The following HEATR1 variants were observed in gnomAD, a reference collection of about 807,000 sequenced individuals.
HEATR1 encodes the protein HEAT repeat-containing protein 1.
Under a neutral mutation model 248.2 loss-of-function variants are expected in HEATR1, and 77 were observed. The ratio of observed to expected loss-of-function variants is 0.31; its 90% CI spans 0.26 to 0.37. HEATR1 has a LOEUF of 0.37. Ranked by LOEUF, HEATR1 falls within the 10% of genes least tolerant of loss-of-function variation. The pLI is 1.00. For missense variants in HEATR1, 2,420 were observed against 2,504.9 expected (o/e 0.97, Z 0.72); for synonymous variants, 897 against 923.1 (o/e 0.97, Z 0.51).
Position 236,597,900 on chromosome 1 carries a change from C to T in HEATR1, c.581G>A (p.Ser194Asn). The change falls in exon 5 of 45, where the codon AGT (serine) becomes AAT (asparagine). Residue 194 changes from serine (S) to asparagine (N), a missense_variant. Transcript: ENST00000366582. ...KDLGFMDFIC[S>N]LVTKSVKVFA... ...CACCTTCACAGATTTTGTCACCAAA[C>T]TGCAAATGAAATCCATGAATCCAAG... 1.9e-6 allele frequency: 3 copies of T among 1,613,334 alleles called. No individual in the cohort carries two copies. Among genetic ancestry groups the T allele is most frequent in the South Asian group, 1.1e-5 (1 of 90,986 alleles).
In HEATR1 at chr1:236,576,918, G is replaced by A. The variant is rs764711496; in HGVS notation, c.2787C>T (p.Ser929=). 4 of 1,609,868 alleles carry A rather than the reference G, an allele frequency of 2.5e-6. No individual in the cohort carries two copies. The South Asian group carries it at 3.3e-5, about 13-fold the overall frequency. The part of the protein sequence containing the change: ...VVTSLLINLG[S]PVKEVRRAAI... ...CAGCCCTACGAACTTCTTTTACGGG[G>A]CTTCCCAGGTTAATGAGTAAAGATG... Residue 929 remains serine, a synonymous_variant, in exon 21 of 45, where the codon AGC becomes AGT. Coordinates refer to ENST00000366582, the MANE Select transcript of HEATR1 (RefSeq NM_018072.6).
At chr1:236,592,842 G>A (rs1244009698) in intron 9 of HEATR1, among the ~76,000 whole-genome samples, 2 of 152,156 alleles carry the variant, frequency 1.3e-5, no homozygotes, top group Non-Finnish European at 2.9e-5. Flanking sequence ...TTCGGAGGCC[G>A]GGGCAGGAGA....
intron 9 of HEATR1, 115 bp downstream of exon 9, chr1:236,593,897 C>T: frequency 1.5e-6 from 1 of 673,942 alleles, no homozygotes; most frequent in Non-Finnish European, 2.5e-6. Flanking sequence ...TGAAATGATA[C>T]AGACAAAACA....
intron 32 of HEATR1, 27 bp downstream of exon 32, chr1:236,564,471 T>C (rs1663216602): frequency 1.2e-6 from 2 of 1,604,358 alleles, no homozygotes; most frequent in Non-Finnish European, 1.7e-6. Context: ...AATACCTTTT[T>C]ATAAACACAT....
intron 20 of HEATR1, among the ~76,000 whole-genome samples, chr1:236,578,778 T>C (rs575601580): frequency 6.6e-6 from 1 of 152,300 alleles, no homozygotes; most frequent in East Asian, 1.9e-4. Flanking sequence ...TTATGCCAGT[T>C]TTAAATAAAG....
intron 41 of HEATR1, 118 bp from the exon 42 acceptor site, chr1:236,554,870 A>C: frequency 1.1e-6 from 1 of 904,620 alleles, no homozygotes; most frequent in Non-Finnish European, 1.7e-6. Flanking sequence ...AATGATCTAG[A>C]AATCATAATC....
At chr1:236,581,561 T>C (rs992994768) in intron 19 of HEATR1, 147 bp from the exon 20 acceptor site, 4 of 539,320 alleles carry the variant, frequency 7.4e-6, no homozygotes, top group Non-Finnish European at 1.3e-5. Context: ...TTATTCCATA[T>C]TCCATGTTTT....
intron 20 of HEATR1, among the ~76,000 whole-genome samples, 157 bp from the exon 21 acceptor site, chr1:236,577,106 T>C (rs1436607505): frequency 2.0e-5 from 3 of 151,362 alleles, no homozygotes; most frequent in East Asian, 1.9e-4. Context: ...AGAGAAAGGT[T>C]AGGCATATGT....
chr1:236,592,104 G>A lies in HEATR1; in HGVS notation c.1311C>T (p.Pro437=). 4 of 1,529,164 alleles carry A rather than the reference G, an allele frequency of 2.6e-6. No individual in the cohort carries two copies. The highest frequency in any genetic ancestry group is 1.2e-5 in the South Asian group (1 of 83,798). The allele number at this position is 1,529,164 out of a possible 1,614,324, so 94.7% of individuals were successfully genotyped here. A position where few individuals can be genotyped will look rare whatever the true frequency, so the allele number is the denominator to read the frequency against. The part of the protein sequence containing the change: ...PLIRLLESKY[P]RTLDVVLEEH... ...CCTCTAATACAACATCTAATGTTCT[G>A]GGGTATCTGGGAAGCAATTAAAAAG... The change falls in exon 11 of 45, where the codon CCC becomes CCT. Residue 437 remains proline, a synonymous_variant. Transcript: ENST00000366582.
intron 12 of HEATR1, among the ~76,000 whole-genome samples, chr1:236,589,465 T>C (rs551998130): frequency 6.6e-6 from 1 of 151,328 alleles, no homozygotes; most frequent in Admixed American, 6.7e-5. Flanking sequence ...TAAGTATAAC[T>C]CCTTCTTAAA....
intron 9 of HEATR1, among the ~76,000 whole-genome samples, 154 bp from the exon 10 acceptor site, chr1:236,592,787 GC>G (rs1366024743): frequency 6.6e-6 from 1 of 152,166 alleles, no homozygotes; most frequent in Non-Finnish European, 1.5e-5. Flanking sequence ...GAAACTAGAG[GC>G]CTGGTGTAGT....
chr1:236,560,918 G>A (rs1026859166), intron 33 of HEATR1, among the ~76,000 whole-genome samples: 33 of 152,146 alleles, frequency 2.2e-4, no homozygotes, highest in African/African-American at 8.0e-4. Context: ...TAGGGAGACT[G>A]GAGTATGAAC....
At chr1:236,573,950 A>ATC (rs752980623) in intron 24 of HEATR1, 9 of 274,714 alleles carry the variant, frequency 3.3e-5, no homozygotes, top group Non-Finnish European at 5.3e-5. Flanking sequence ...TATGAGAAAG[A>ATC]TCACACACAC....
chr1:236,556,233 C>G lies in HEATR1; in HGVS notation c.5381G>C (p.Ser1794Thr). 1.2e-6 allele frequency: 2 copies of G among 1,614,102 alleles called. No individual in the cohort carries two copies. The highest frequency in any genetic ancestry group is 4.5e-5 in the East Asian group (2 of 44,870). Residue 1794 changes from serine to threonine, a missense_variant, in exon 38 of 45, where the codon AGT becomes ACT. Coordinates refer to ENST00000366582, the MANE Select transcript of HEATR1 (RefSeq NM_018072.6). ...AGCCTGTGACGCAGAACCCATTTCA[C>G]TAGTGATTTTCTCCAGATGAATCAC... ...SQVIHLEKIT[S>T]EMGSASQANI...
rs904333944 is a variant in HEATR1 at position 236,596,018 on chromosome 1, G to A, written c.771C>T (p.Tyr257=). The A allele has an allele frequency of 6.2e-7, 1 of 1,611,650 alleles. No individual in the cohort carries two copies. The highest frequency in any genetic ancestry group is 8.5e-7 in the Non-Finnish European group (1 of 1,178,020). The part of the protein sequence containing the change: ...QKGLKSSLPD[Y]RAATYMIICQ... The stretch of plus-strand genomic sequence containing the variant: ...ATATTATCATGTATGTTGCAGCTCT[G>A]TAATCTGGTAAAGATGATTTCAATC... Residue 257 remains tyrosine (Y), a synonymous_variant, in exon 7 of 45, where the codon TAC becomes TAT. Coordinates refer to ENST00000366582, the MANE Select transcript of HEATR1 (RefSeq NM_018072.6).
chr1:236,600,980 C>A (rs1664307821), intron 3 of HEATR1, among the ~76,000 whole-genome samples: 2 of 152,182 alleles, frequency 1.3e-5, no homozygotes, highest in African/African-American at 4.8e-5. Flanking sequence ...ACCTACTTAT[C>A]TATGTACTGA....
intron 4 of HEATR1, among the ~76,000 whole-genome samples, chr1:236,598,642 G>T (rs2102798774): frequency 6.6e-6 from 1 of 152,222 alleles, no homozygotes; most frequent in Admixed American, 6.5e-5. Context: ...TAGTTCAAGT[G>T]CTTTACGTTC....
At chr1:236,598,481 T>A (rs1277170208) in intron 4 of HEATR1, among the ~76,000 whole-genome samples, 1 of 152,006 alleles carries the variant, frequency 6.6e-6, no homozygotes, top group Non-Finnish European at 1.5e-5. Flanking sequence ...AGTAGGTGAG[T>A]GGAGTTTGGC....
intron 20 of HEATR1, among the ~76,000 whole-genome samples, chr1:236,577,677 G>A (rs922874361): frequency 8.7e-5 from 13 of 148,924 alleles, no homozygotes; most frequent in African/African-American, 2.7e-4. Context: ...TAGTAGAGAC[G>A]GGGTTTCTTC....
Sources: gnomAD v4.1 joint callset for allele counts (sites outside exome capture counted in the v4.1 genomes callset) on GRCh38, gnomAD v4.1.1 for gene constraint, MANE v1.5 for transcripts, NCBI Gene and HGNC (gene_info 2026-07-23, HGNC 2026-07-21) for gene names.